RGL1: variants seen among roughly 807,000 people sequenced by gnomAD.
The protein encoded by RGL1 is ral guanine nucleotide dissociation stimulator like 1, also known as ral guanine nucleotide dissociation stimulator-like 1.
RGL1 carries 24 observed loss-of-function variants against 95.2 expected under a neutral mutation model. That is an observed-to-expected ratio of 0.25 (90% CI 0.18 to 0.35). RGL1 has a LOEUF of 0.35. Ranked by LOEUF, RGL1 falls within the 10% of genes least tolerant of loss-of-function variation. RGL1 has a pLI of 1.00. For synonymous variants in RGL1, 329 were observed against 344.9 expected (o/e 0.95, Z 0.51); for missense variants, 715 against 936.3 (o/e 0.76, Z 3.08).
intron 2 of RGL1, among the ~76,000 whole-genome samples, chr1:183,795,663 T>C (rs1660663170): frequency 1.3e-5 from 2 of 152,364 alleles, no homozygotes; most frequent in South Asian, 4.1e-4. Flanking sequence ...TTTAGGCTTT[T>C]ATACTGAGCA....
At chr1:183,718,624 G>A (rs1655789241) in intron 1 of RGL1, among the ~76,000 whole-genome samples, 2 of 152,022 alleles carry the variant, frequency 1.3e-5, no homozygotes. Flanking sequence ...AGTCAGTTCT[G>A]TGAGCAACAG....
At chr1:183,640,372 A>G (rs997686952) in intron 1 of RGL1, among the ~76,000 whole-genome samples, 3 of 152,170 alleles carry the variant, frequency 2.0e-5, no homozygotes, top group Non-Finnish European at 4.4e-5. Context: ...CGTCCATGCA[A>G]TCATGAACCC....
At chr1:183,854,925 TAA>T (rs1665041030) in intron 3 of RGL1, among the ~76,000 whole-genome samples, 1 of 152,198 alleles carries the variant, frequency 6.6e-6, no homozygotes, top group South Asian at 2.1e-4. Context: ...ATTAAGTGCT[TAA>T]GAGATTACTA....
intron 1 of RGL1, among the ~76,000 whole-genome samples, chr1:183,700,555 T>TG (rs1414692756): frequency 6.7e-6 from 1 of 150,230 alleles, no homozygotes; most frequent in Non-Finnish European, 1.5e-5. Context: ...CTAGGTTTGT[T>TG]TTTTTTTTTT....
At chr1:183,822,597 T>C (rs965052026) in intron 2 of RGL1, among the ~76,000 whole-genome samples, 8 of 152,170 alleles carry the variant, frequency 5.3e-5, no homozygotes, top group Admixed American at 4.6e-4. Flanking sequence ...GTCAAGGTCC[T>C]TTGTAGACGA....
chr1:183,868,934 G>C (rs564547755), intron 4 of RGL1, among the ~76,000 whole-genome samples: 1 of 152,272 alleles, frequency 6.6e-6, no homozygotes, highest in South Asian at 2.1e-4. Context: ...GGGCAACGTA[G>C]TGGGACTCTG....
At chr1:183,684,343 G>A (rs1358543108) in intron 1 of RGL1, among the ~76,000 whole-genome samples, 2 of 152,114 alleles carry the variant, frequency 1.3e-5, no homozygotes, top group East Asian at 1.9e-4. Flanking sequence ...GACTTTGGAT[G>A]GGGTTTTTGT....
rs533034337 is a variant in RGL1 at position 183,810,946 on chromosome 1, G to C, written c.138+4461G>C. Among the ~76,000 whole-genome samples the C allele has an allele frequency of 9.5e-4, 144 of 152,272 alleles. 1 individual carries two copies. The highest frequency in any genetic ancestry group is 3.4e-3 in the African/African-American group (140 of 41,522). Reference sequence around the variant, plus strand: ...CTTGTTTGTTATCTTCCATTAGACTGTAAGCTTGCAACCATGGCCATCTAG... The same window carrying C: ...CTTGTTTGTTATCTTCCATTAGACTCTAAGCTTGCAACCATGGCCATCTAG... On this transcript the variant is annotated intron_variant, in intron 2 of 17. Transcript: ENST00000360851.
chr1:183,709,268 C>T (rs1655117202), intron 1 of RGL1: 1 of 152,348 alleles, frequency 6.6e-6, no homozygotes, highest in Non-Finnish European at 1.5e-5. Flanking sequence ...CACCCCCTCA[C>T]CCTCTTCCCG....
In RGL1 at chr1:183,686,562, G is replaced by T. The variant is rs190985799; in HGVS notation, c.-33+50061G>T. On this transcript the variant is annotated intron_variant, in intron 1 of 18. Coordinates refer to the RGL1 transcript ENST00000304685. ...ATTGGGCACTGGATGACAACACTCT[G>T]TAGTGCTATACAGATTTCCTAGCAT... Among the ~76,000 whole-genome samples, 7 of 152,252 alleles carry T rather than the reference G, an allele frequency of 4.6e-5. No homozygotes were observed. In the East Asian group the frequency reaches 9.6e-4, roughly 21 times the overall value.
At chr1:183,897,553 A>AT in intron 9 of RGL1, among the ~76,000 whole-genome samples, 1 of 152,092 alleles carries the variant, frequency 6.6e-6, no homozygotes, top group Non-Finnish European at 1.5e-5. Flanking sequence ...CGTCTCAAAA[A>AT]AAAAAAAAAC....
intron 2 of RGL1, among the ~76,000 whole-genome samples, chr1:183,761,705 T>C (rs990517853): frequency 5.3e-5 from 8 of 152,246 alleles, no homozygotes; most frequent in African/African-American, 1.9e-4. Context: ...TGACTTTTCC[T>C]CTCTAGCTAT....
At chr1:183,659,219 C>T (rs897752766) in intron 1 of RGL1, among the ~76,000 whole-genome samples, 31 of 152,290 alleles carry the variant, frequency 2.0e-4, no homozygotes, top group Non-Finnish European at 4.1e-4. Flanking sequence ...ATGACTTTGA[C>T]GAATTGAGAG....
intron 2 of RGL1, among the ~76,000 whole-genome samples, chr1:183,744,736 CT>C (rs1043080177): frequency 6.6e-6 from 1 of 152,056 alleles, no homozygotes; most frequent in African/African-American, 2.4e-5. Flanking sequence ...TGTAGTTTCA[CT>C]TTATTCATGT....
At chr1:183,637,746 A>G in intron 1 of RGL1, among the ~76,000 whole-genome samples, 1 of 152,206 alleles carries the variant, frequency 6.6e-6, no homozygotes, top group East Asian at 1.9e-4. Flanking sequence ...CATTCAAGTT[A>G]TGAACACACA....
At chr1:183,832,482 A>G (rs1387342811) in intron 2 of RGL1, among the ~76,000 whole-genome samples, 1 of 152,238 alleles carries the variant, frequency 6.6e-6, no homozygotes, top group Non-Finnish European at 1.5e-5. Context: ...GTGAAACTCT[A>G]AGGATATATG....
At chr1:183,684,983 C>T (rs1375923052) in intron 1 of RGL1, among the ~76,000 whole-genome samples, 3 of 152,208 alleles carry the variant, frequency 2.0e-5, no homozygotes, top group African/African-American at 7.2e-5. Context: ...GAAAATCACC[C>T]GCCTTCTGCG....
chr1:183,716,858 G>A lies in RGL1; in HGVS notation c.-32-25268G>A, dbSNP rs532463693. ...AAAGAAAATGTTCTGTGTGAAGACA[G>A]CTAGTTCTTTGCCTGGATGCAGTGA... On this transcript the variant is annotated intron_variant, in intron 1 of 18. Coordinates refer to the RGL1 transcript ENST00000304685. Among the ~76,000 whole-genome samples, 3 of 152,380 alleles carry A rather than the reference G, an allele frequency of 2.0e-5. No individual in the cohort carries two copies. The South Asian group carries it at 6.2e-4, about 32-fold the overall frequency.
rs541031116 is a variant in RGL1, at chr1:183,742,032, A to G, written c.-32-94A>G. ...TTATGATACTGTCTTTAATGGTCTC[A>G]CTAGTCAGAAGTCAAGCATGATAAT... On this transcript the variant is annotated intron_variant, in intron 1 of 18. Coordinates refer to the RGL1 transcript ENST00000304685. 31 of 929,490 alleles carry G rather than the reference A, an allele frequency of 3.3e-5. No individual in the cohort carries two copies. In the South Asian group the frequency reaches 4.9e-4, roughly 15 times the overall value. 57.6% of individuals were successfully genotyped at this position (929,490 alleles called of 1,614,324 possible).
Sources: allele counts gnomAD v4.1 joint callset (sites outside exome capture counted in the v4.1 genomes callset), GRCh38; gene constraint gnomAD v4.1.1; transcripts MANE v1.5; gene names NCBI Gene and HGNC (gene_info 2026-07-23, HGNC 2026-07-21).